Variants in MAP3K20 observed in about 807,000 individuals in gnomAD.
The protein encoded by MAP3K20 is mitogen-activated protein kinase kinase kinase 20.
In MAP3K20, 40 loss-of-function variants were observed where a neutral mutation model predicts 85.7. That is an observed-to-expected ratio of 0.47 (90% CI 0.36 to 0.61). MAP3K20 has a LOEUF of 0.61. Among genes scored for constraint, MAP3K20 ranks in the 20% least tolerant of loss-of-function variants. MAP3K20 has a pLI of 0.00. For synonymous variants in MAP3K20, 325 were observed against 327.7 expected (o/e 0.99, Z 0.09); for missense variants, 817 against 961.7 (o/e 0.85, Z 1.99).
intron 7 of MAP3K20, among the ~76,000 whole-genome samples, chr2:173,194,348 T>G (rs1271575736): frequency 6.6e-6 from 1 of 152,194 alleles, no homozygotes; most frequent in African/African-American, 2.4e-5. Context: ...TGACCTCTTC[T>G]CATTCTGTTT....
At chr2:173,134,407 TATATATA>T (rs1559245945) in intron 2 of MAP3K20, among the ~76,000 whole-genome samples, 156 of 10,450 alleles carry the variant, frequency 0.015, 10 homozygotes, top group Non-Finnish European at 0.028. Flanking sequence ...TATATATATA[TATATATA>T]TATATATATA....
intron 1 of MAP3K20, among the ~76,000 whole-genome samples, chr2:173,087,039 A>C (rs1012179190): frequency 6.6e-6 from 1 of 152,252 alleles, no homozygotes; most frequent in Admixed American, 6.5e-5. Flanking sequence ...TCCAGCTACA[A>C]AAGGTATAAT....
chr2:173,240,117 A>C (rs79840256), intron 16 of MAP3K20, among the ~76,000 whole-genome samples: 1 of 152,188 alleles, frequency 6.6e-6, no homozygotes, highest in Non-Finnish European at 1.5e-5. Context: ...TACAGTACTG[A>C]AGTGTGAAAA....
At chr2:173,155,457 G>A (rs1689437858) in intron 2 of MAP3K20, among the ~76,000 whole-genome samples, 1 of 152,202 alleles carries the variant, frequency 6.6e-6, no homozygotes, top group African/African-American at 2.4e-5. Context: ...CCAAAAAATA[G>A]TGCCTGGCAC....
chr2:173,077,912 T>C (rs1390136064), intron 1 of MAP3K20, among the ~76,000 whole-genome samples: 5 of 152,256 alleles, frequency 3.3e-5, no homozygotes, highest in Admixed American at 2.6e-4. Flanking sequence ...CTGTGTATTT[T>C]AACTTAGCAC....
intron 2 of MAP3K20, among the ~76,000 whole-genome samples, chr2:173,162,618 G>T (rs767308675): frequency 6.6e-6 from 1 of 151,340 alleles, no homozygotes; most frequent in Non-Finnish European, 1.5e-5. Flanking sequence ...CCCAGGAGGC[G>T]GAGGTTGCAG....
At chr2:173,240,657 C>T (rs1355296146) in intron 16 of MAP3K20, among the ~76,000 whole-genome samples, 1 of 152,164 alleles carries the variant, frequency 6.6e-6, no homozygotes, top group East Asian at 1.9e-4. Context: ...CTTAGAATGG[C>T]TTATATCCAA....
intron 2 of MAP3K20, among the ~76,000 whole-genome samples, chr2:173,115,017 T>A (rs936562627): frequency 5.3e-5 from 8 of 152,234 alleles, no homozygotes; most frequent in African/African-American, 1.9e-4. Context: ...GCTTTTAGAA[T>A]TCTCTTCTTC....
chr2:173,258,188 G>A (rs1024671816), intron 16 of MAP3K20, among the ~76,000 whole-genome samples: 1 of 152,066 alleles, frequency 6.6e-6, no homozygotes, highest in African/African-American at 2.4e-5. Flanking sequence ...CATTTGCACT[G>A]TTGTTTTCTT....
At chr2:173,083,844 A>G (rs1271517859) in intron 1 of MAP3K20, among the ~76,000 whole-genome samples, 6 of 152,224 alleles carry the variant, frequency 3.9e-5, no homozygotes, top group Non-Finnish European at 7.3e-5. Flanking sequence ...CTTTTCAAAA[A>G]GTATCTTTTT....
intron 2 of MAP3K20, among the ~76,000 whole-genome samples, chr2:173,108,893 T>C (rs1385279685): frequency 6.6e-6 from 1 of 152,208 alleles, no homozygotes; most frequent in Non-Finnish European, 1.5e-5. Context: ...ACCAAAGGCA[T>C]GGAATCTTAC....
In MAP3K20 at chr2:173,198,220, A is replaced by G. The variant is rs1488821657; in HGVS notation, c.669+108A>G. ...ATTGAAAGTAAGTTCACGCTTATGG[A>G]AAGATTAGCAGTAGGAGCTAACACA... On this transcript the variant is annotated intron_variant, in intron 8 of 19. Coordinates refer to ENST00000375213, the MANE Select transcript of MAP3K20 (RefSeq NM_016653.3). This position sits in a 1 kb window ranked among gnomAD's most constrained non-coding sequence, Gnocchi z 5.8. 5.9e-6 allele frequency: 6 copies of G among 1,010,272 alleles called. No individual in the cohort carries two copies. The African/African-American group carries it at 9.7e-5, about 16-fold the overall frequency. The allele number at this position is 1,010,272 out of a possible 1,614,324, so 62.6% of individuals were successfully genotyped here.
At chr2:173,239,576 C>T (rs751301818) in intron 16 of MAP3K20, 80 bp downstream of exon 16, 4 of 1,207,272 alleles carry the variant, frequency 3.3e-6, no homozygotes, top group Non-Finnish European at 4.6e-6. Flanking sequence ...TGGTTTTATA[C>T]ACCCCCTACC....
chr2:173,134,006 AAAAAC>A (rs1030361167), intron 2 of MAP3K20, among the ~76,000 whole-genome samples: 2 of 144,086 alleles, frequency 1.4e-5, no homozygotes, highest in African/African-American at 5.0e-5. Flanking sequence ...ACAAAAAACA[AAAAAC>A]AAAAACATTC....
At chr2:173,088,964 C>T (rs1341975622) in intron 1 of MAP3K20, among the ~76,000 whole-genome samples, 2 of 152,120 alleles carry the variant, frequency 1.3e-5, no homozygotes, top group African/African-American at 4.8e-5. Flanking sequence ...ATAACCCTTC[C>T]TCTTTCTCGC....
intron 1 of MAP3K20, among the ~76,000 whole-genome samples, chr2:173,083,698 G>A (rs1490503620): frequency 6.6e-6 from 1 of 152,076 alleles, no homozygotes; most frequent in Non-Finnish European, 1.5e-5. Context: ...TCCAAGTGGT[G>A]TTCTTTTTAT....
intron 16 of MAP3K20, among the ~76,000 whole-genome samples, chr2:173,245,913 AG>A (rs1684902574): frequency 1.3e-5 from 2 of 152,352 alleles, no homozygotes; most frequent in South Asian, 4.1e-4. Context: ...CCTGGGCAAC[AG>A]AGCAAGACTC....
At chr2:173,251,239 AT>A (rs1259125594) in intron 16 of MAP3K20, among the ~76,000 whole-genome samples, 1 of 152,002 alleles carries the variant, frequency 6.6e-6, no homozygotes, top group Non-Finnish European at 1.5e-5. Flanking sequence ...TGACCTCTGT[AT>A]TTTATATTTT....
intron 11 of MAP3K20, among the ~76,000 whole-genome samples, chr2:173,229,045 T>C (rs1225350537): frequency 3.9e-5 from 6 of 152,262 alleles, no homozygotes; most frequent in Non-Finnish European, 8.8e-5. Flanking sequence ...TAAGTAGTTC[T>C]TTGGCTCTGA....
Sources: allele counts gnomAD v4.1 joint callset (sites outside exome capture counted in the v4.1 genomes callset), GRCh38; gene constraint gnomAD v4.1.1; non-coding constraint Gnocchi (gnomAD v3.1); transcripts MANE v1.5; gene names NCBI Gene and HGNC (gene_info 2026-07-23, HGNC 2026-07-21).